SELENOM: variants seen among roughly 807,000 people sequenced by gnomAD.
SELENOM encodes selenoprotein M.
In SELENOM, 17 loss-of-function variants were observed where a neutral mutation model predicts 14.5. That is an observed-to-expected ratio of 1.17 (90% CI 0.80 to 1.76). SELENOM has a LOEUF of 1.76. Ranked by LOEUF, SELENOM falls within the 40% of genes most tolerant of loss-of-function variation. SELENOM has a pLI of 0.00. For synonymous variants in SELENOM, 102 were observed against 93.3 expected (o/e 1.09, Z -0.54); for missense variants, 230 against 204.6 (o/e 1.12, Z -0.76).
At position 31,107,242 on chromosome 22, in the gene SELENOM, G is replaced by A. The variant is rs536970574; in HGVS notation, c.129+135C>T. 1.9e-4 allele frequency: 221 copies of A among 1,150,190 alleles called. No homozygotes were observed. In the African/African-American group the frequency reaches 2.8e-3, roughly 15 times the overall value. The allele number at this position is 1,150,190 out of a possible 1,614,324, so 71.2% of individuals were successfully genotyped here. The stretch of plus-strand genomic sequence containing the variant: ...GCCATCTGGGGCTAGGGAACAGGAG[G>A]GATGGTCCCGGCGCCAGGGGGAAAG... On this transcript the variant is annotated intron_variant, in intron 1 of 4. Coordinates refer to ENST00000400299, the MANE Select transcript of SELENOM (RefSeq NM_080430.4).
chr22:31,105,748 C>T lies in SELENOM; in HGVS notation c.166-56G>A, dbSNP rs370035098. On this transcript the variant is annotated intron_variant, in intron 2 of 4. Coordinates refer to ENST00000400299, the MANE Select transcript of SELENOM (RefSeq NM_080430.4). ...GACCTCAGTCTACTCGAGGTACAGA[C>T]GAGACACTGAAGCCCAGTGAGGTCA... 66 of 1,594,078 alleles carry T rather than the reference C, an allele frequency of 4.1e-5. No homozygotes were observed. The African/African-American group carries it at 7.9e-4, about 19-fold the overall frequency.
chr22:31,104,975 G>T lies in SELENOM; in HGVS notation c.433C>A (p.Leu145Met). 1.3e-6 allele frequency: 2 copies of T among 1,587,706 alleles called. No homozygotes were observed. Among genetic ancestry groups the T allele is most frequent in the Non-Finnish European group, 1.7e-6 (2 of 1,169,494 alleles). ...GCTCCGCCGCGCCCCCGGACCTACA[G>T]GTCAGCGTGGTCCGAAGTTTCCTCT... ...PPEETSDHAD[L>M] Residue 145 changes from leucine to methionine, a missense_variant, in exon 5 of 5, where the codon CTG (leucine) becomes ATG (methionine). Coordinates refer to ENST00000400299, the MANE Select transcript of SELENOM (RefSeq NM_080430.4).
At chr22:31,105,158 G>C in intron 4 of SELENOM, 30 bp from the exon 5 acceptor site, 1 of 1,613,270 alleles carries the variant, frequency 6.2e-7, no homozygotes, top group Non-Finnish European at 8.5e-7. Flanking sequence ...GGGTCAGCAG[G>C]CTGGGCCTCG....
rs1330676482 is a variant in SELENOM at position 31,105,930 on chromosome 22, C to G, written c.165G>C (p.Glu55Asp). The G allele has an allele frequency of 6.2e-7, 1 of 1,614,072 alleles. No homozygotes were observed. Among genetic ancestry groups the G allele is most frequent in the Non-Finnish European group, 8.5e-7 (1 of 1,179,942 alleles). The change falls in exon 2 of 5, where the codon GAG becomes GAC. Residue 55 changes from glutamate (E) to aspartate (D), a missense_variant and splice_region_variant. Glu to Asp is a conservative substitution (Grantham distance 45). Transcript: ENST00000400299. ...CGGUQLNRLK[E>D]VKAFVTQDIP... ...TAGGGACCTCTTCCTTCAAACTCAC[C>G]TCCTTTAGGCGGTTCAGCTGTCATC...
Position 31,107,374 on chromosome 22 carries a change from C to T in SELENOM, c.129+3G>A, listed in dbSNP as rs1405018242. The T allele has an allele frequency of 5.7e-6, 9 of 1,592,856 alleles. No homozygotes were observed. Among genetic ancestry groups the T allele is most frequent in the African/African-American group, 5.4e-5 (4 of 73,920 alleles). On this transcript the variant is annotated splice_donor_region_variant and intron_variant, in intron 1 of 4. Coordinates refer to ENST00000400299, the MANE Select transcript of SELENOM (RefSeq NM_080430.4). ...TGCCGGGGCTGGAGGCCGGCGTACT[C>T]ACCTCTACCCGGGCGCGGGTTAGGC...
In SELENOM at chr22:31,105,192, C is replaced by T. The variant is rs780924154; in HGVS notation, c.279+16G>A. ...CGCCTCTGGCCTCGCCCCCAGCCCACCTCCCACGGCCTCACCTCTAGTTCC... is the reference window on the plus strand; with the variant it reads ...CGCCTCTGGCCTCGCCCCCAGCCCATCTCCCACGGCCTCACCTCTAGTTCC... On this transcript the variant is annotated intron_variant, in intron 4 of 4. Transcript: ENST00000400299. 34 of 1,612,998 alleles carry T rather than the reference C, an allele frequency of 2.1e-5. No homozygotes were observed. The highest frequency in any genetic ancestry group is 2.6e-5 in the Non-Finnish European group (31 of 1,179,576).
In SELENOM at chr22:31,105,982, T is replaced by C. The variant is rs572753057; in HGVS notation, c.130-17A>G. 2.3e-4 allele frequency: 375 copies of C among 1,613,124 alleles called. 6 individuals are homozygous for C. In the South Asian group the frequency reaches 3.9e-3, roughly 17 times the overall value. ...CCCGCAGGTCTGGAGGGGGATAAAA[T>C]GGGATAGGTCAGGAGTCCTTCACGT... On this transcript the variant is annotated splice_polypyrimidine_tract_variant and intron_variant, in intron 1 of 4. Transcript: ENST00000400299.
Position 31,105,126 on chromosome 22 carries a change from G to A in SELENOM, c.282C>T (p.Arg94=), listed in dbSNP as rs747372613. ...LLGRRYEELE[R]IPLSEMTREE... is the part of the protein sequence containing the mutation. Reference sequence around the variant, plus strand: ...CGCGGGTCATTTCACTGAGTGGGATGCGCTGAGGCGGAGGAGGGGCGGGGT... The same window carrying A: ...CGCGGGTCATTTCACTGAGTGGGATACGCTGAGGCGGAGGAGGGGCGGGGT... The change falls in exon 5 of 5, where the codon CGC becomes CGT. Residue 94 remains arginine, a splice_region_variant and synonymous_variant. Transcript: ENST00000400299. 9.3e-6 allele frequency: 15 copies of A among 1,613,424 alleles called. No individual in the cohort carries two copies. In the East Asian group the frequency reaches 2.5e-4, roughly 26 times the overall value.
chr22:31,107,469 G>A lies in SELENOM; in HGVS notation c.37C>T (p.Leu13Phe). ...GCTGGGGCCACAAGCGCCGCGAGAA[G>A]CAGCAGCAGCGCCAGCGGAGGCAAC... ...LLLPPLALLL[L>F]LAALVAPATA... is the part of the protein sequence containing the mutation. Residue 13 changes from leucine (L) to phenylalanine (F), a missense_variant, in exon 1 of 5, where the codon CTT (leucine) becomes TTT (phenylalanine). Leu to Phe is a conservative substitution (Grantham distance 22). Coordinates refer to ENST00000400299, the MANE Select transcript of SELENOM (RefSeq NM_080430.4). 2 of 1,559,932 alleles carry A rather than the reference G, an allele frequency of 1.3e-6. No homozygotes were observed. The highest frequency in any genetic ancestry group is 2.1e-4 in the Middle Eastern group (1 of 4,784).
Position 31,104,917 on chromosome 22 carries a change from T to G in SELENOM, c.*53A>C. On this transcript the variant is annotated 3_prime_UTR_variant, in exon 5 of 5. Coordinates refer to ENST00000400299, the MANE Select transcript of SELENOM (RefSeq NM_080430.4). ...TATTCCCGGGATGCTGAGCGCTTCA[T>G]TCTGTCTCCAGGACTCAGGCAGGTA... The G allele has an allele frequency of 1.3e-6, 2 of 1,495,602 alleles. No homozygotes were observed. The highest frequency in any genetic ancestry group is 2.7e-5 in the South Asian group (2 of 73,122). The allele number at this position is 1,495,602 out of a possible 1,614,324, so 92.6% of individuals were successfully genotyped here.
Position 31,104,945 on chromosome 22 carries a change from T to G in SELENOM, c.*25A>C. On this transcript the variant is annotated 3_prime_UTR_variant, in exon 5 of 5. Transcript: ENST00000400299. ...TGTCTCCAGGACTCAGGCAGGTAGG[T>G]CCCAGCTCCGCCGCGCCCCCGGACC... 6.5e-7 allele frequency: 1 copy of G among 1,534,872 alleles called. No individual in the cohort carries two copies. The highest frequency in any genetic ancestry group is 8.7e-7 in the Non-Finnish European group (1 of 1,144,826).
intron 4 of SELENOM, 36 bp from the exon 5 acceptor site, chr22:31,105,164 C>G (rs766354730): frequency 1.2e-6 from 2 of 1,613,022 alleles, no homozygotes; most frequent in Admixed American, 3.3e-5. Context: ...GCAGGCTGGG[C>G]CTCGCCTCTG....
At position 31,105,241 on chromosome 22, in the gene SELENOM, G is replaced by A. The variant is rs368182509; in HGVS notation, c.246C>T (p.Leu82=). 7.6e-5 allele frequency: 123 copies of A among 1,613,120 alleles called. 1 individual carries two copies. The African/African-American group carries it at 1.4e-3, about 18-fold the overall frequency. Residue 82 remains leucine, a synonymous_variant, in exon 4 of 5, where the codon CTC becomes CTT. Transcript: ENST00000400299. ...MKHLPGADPE[L]VLLGRRYEEL... ...CCTCGTAGCGGCGGCCCAGCAGCAC[G>A]AGCTCAGGGTCGGCCCCAGGGAGGT...
intron 1 of SELENOM, 106 bp from the exon 2 acceptor site, chr22:31,106,071 A>T: frequency 9.9e-7 from 1 of 1,014,160 alleles, no homozygotes; most frequent in Non-Finnish European, 1.6e-6. Flanking sequence ...GCTGTGAGTT[A>T]TCCCCGGATC....
rs1200687748 is a variant in SELENOM at position 31,105,201 on chromosome 22, G to GCCTCACCTCTAGTT, written c.272_279+6dup. On this transcript the variant is annotated splice_region_variant and intron_variant, in intron 4 of 4. Transcript: ENST00000400299. ...CCTCGCCCCCAGCCCACCTCCCACG[G>GCCTCACCTCTAGTT]CCTCACCTCTAGTTCCTCGTAGCGG... 1 of 1,613,258 alleles carries GCCTCACCTCTAGTT rather than the reference G, an allele frequency of 6.2e-7. No homozygotes were observed. The highest frequency in any genetic ancestry group is 8.5e-7 in the Non-Finnish European group (1 of 1,179,708).
In SELENOM at chr22:31,104,950, G is replaced by C. The variant is rs766398178; in HGVS notation, c.*20C>G. 6.5e-6 allele frequency: 10 copies of C among 1,539,762 alleles called. No homozygotes were observed. Among genetic ancestry groups the C allele is most frequent in the African/African-American group, 1.4e-5 (1 of 71,976 alleles). On this transcript the variant is annotated 3_prime_UTR_variant, in exon 5 of 5. Transcript: ENST00000400299. ...CCAGGACTCAGGCAGGTAGGTCCCA[G>C]CTCCGCCGCGCCCCCGGACCTACAG...
In SELENOM at chr22:31,104,927, A is replaced by G. The variant is rs759184646; in HGVS notation, c.*43T>C. Reference sequence around the variant, plus strand: ...ATGCTGAGCGCTTCATTCTGTCTCCAGGACTCAGGCAGGTAGGTCCCAGCT... The same window carrying G: ...ATGCTGAGCGCTTCATTCTGTCTCCGGGACTCAGGCAGGTAGGTCCCAGCT... On this transcript the variant is annotated 3_prime_UTR_variant, in exon 5 of 5. Coordinates refer to ENST00000400299, the MANE Select transcript of SELENOM (RefSeq NM_080430.4). The G allele has an allele frequency of 1.3e-6, 2 of 1,515,430 alleles. No homozygotes were observed. Among genetic ancestry groups the G allele is most frequent in the Admixed American group, 4.7e-5 (2 of 42,424 alleles). 93.9% of individuals were successfully genotyped at this position (1,515,430 alleles called of 1,614,324 possible). A position where few individuals can be genotyped will look rare whatever the true frequency, so the allele number is the denominator to read the frequency against.
At chr22:31,105,810 G>T in intron 2 of SELENOM, 118 bp from the exon 3 acceptor site, 1 of 1,471,024 alleles carries the variant, frequency 6.8e-7, no homozygotes, top group Non-Finnish European at 9.5e-7. Flanking sequence ...TCTCAGCCTA[G>T]GCTAGACTCT....
Position 31,107,433 on chromosome 22 carries a change from T to C in SELENOM, c.73A>G (p.Thr25Ala). 1 of 1,577,350 alleles carries C rather than the reference T, an allele frequency of 6.3e-7. No individual in the cohort carries two copies. Among genetic ancestry groups the C allele is most frequent in the Non-Finnish European group, 8.6e-7 (1 of 1,164,090 alleles). ...AALVAPATAA[T>A]AYRPDWNRLS... ...CGGTTCCAGTCCGGCCGGTAGGCAGTGGCGGCTGTGGCTGGGGCCACAAGC... is the reference window on the plus strand; with the variant it reads ...CGGTTCCAGTCCGGCCGGTAGGCAGCGGCGGCTGTGGCTGGGGCCACAAGC... Residue 25 changes from threonine (T) to alanine (A), a missense_variant, in exon 1 of 5, where the codon ACT becomes GCT. Coordinates refer to ENST00000400299, the MANE Select transcript of SELENOM (RefSeq NM_080430.4).
Sources: allele counts gnomAD v4.1 joint callset, GRCh38; gene constraint gnomAD v4.1.1; transcripts MANE v1.5; gene names NCBI Gene and HGNC (gene_info 2026-07-23, HGNC 2026-07-21).